The following RBFOX1 variants were observed in gnomAD, a reference collection of about 807,000 sequenced individuals.
RBFOX1 encodes the protein RNA binding fox-1 homolog 1.
Under a neutral mutation model 57.7 loss-of-function variants are expected in RBFOX1, and 8 were observed. The ratio of observed to expected loss-of-function variants is 0.14; its 90% confidence interval spans 0.08 to 0.25. The LOEUF is 0.25. RBFOX1 is among the 10% of genes least tolerant of loss of function. The pLI, the probability that RBFOX1 is intolerant of heterozygous loss-of-function variation, is 1.00. For missense variants in RBFOX1, 611 were observed against 548.5 expected (o/e 1.11, Z -1.14); for synonymous variants, 326 against 222.4 (o/e 1.47, Z -4.15).
intron 3 of RBFOX1, among the ~76,000 whole-genome samples, chr16:6,853,657 C>T (rs144712798): frequency 1.2e-4 from 19 of 152,274 alleles, no homozygotes; most frequent in African/African-American, 4.3e-4. Context: ...TGCTCTCAGC[C>T]TGTATGGAGG....
chr16:6,263,780 A>G (rs752407816), intron 1 of RBFOX1, among the ~76,000 whole-genome samples: 4 of 152,104 alleles, frequency 2.6e-5, no homozygotes, highest in Non-Finnish European at 4.4e-5. Context: ...AAATATCTTG[A>G]TGTCTTCACA....
chr16:6,415,237 T>G (rs2152978290), intron 2 of RBFOX1, among the ~76,000 whole-genome samples: 2 of 88,424 alleles, frequency 2.3e-5, no homozygotes, highest in African/African-American at 8.8e-5. Flanking sequence ...AAAGAAACTC[T>G]GTCACAAAAA....
intron 4 of RBFOX1, among the ~76,000 whole-genome samples, chr16:7,323,681 A>C (rs565152713): frequency 6.6e-6 from 1 of 152,172 alleles, no homozygotes; most frequent in Non-Finnish European, 1.5e-5. Flanking sequence ...ACTTCATAGG[A>C]ATGAAGAGGG....
chr16:6,149,301 G>T (rs75300220), intron 1 of RBFOX1, among the ~76,000 whole-genome samples: 1 of 152,218 alleles, frequency 6.6e-6, no homozygotes, highest in Non-Finnish European at 1.5e-5. Context: ...AATGTCTGTT[G>T]TTCCCTTTAC....
At chr16:6,573,778 C>G (rs933473597) in intron 2 of RBFOX1, 3 of 152,218 alleles carry the variant, frequency 2.0e-5, no homozygotes, top group Non-Finnish European at 4.4e-5. Context: ...CTGAATGTCG[C>G]TGGCTGCCGT....
chr16:5,255,251 A>G lies in RBFOX1; in HGVS notation c.219+15146A>G, dbSNP rs548395905. On this transcript the variant is annotated intron_variant, in intron 1 of 2. Transcript: ENST00000585867. ...TGACACACCCTAGGAAAATCACTCA[A>G]TTCTTTGGAGGACCCCGGATAAATG... is the stretch of plus-strand genomic sequence containing the variant. Among the ~76,000 whole-genome samples the G allele has an allele frequency of 9.9e-5, 15 of 151,864 alleles. No homozygotes were observed. In the East Asian group the frequency reaches 1.2e-3, roughly 12 times the overall value.
intron 3 of RBFOX1, among the ~76,000 whole-genome samples, chr16:5,662,864 C>G (rs1036811542): frequency 6.6e-6 from 1 of 152,162 alleles, no homozygotes; most frequent in Admixed American, 6.5e-5. Context: ...AATAGTAACA[C>G]CTATGCCACT....
intron 4 of RBFOX1, among the ~76,000 whole-genome samples, chr16:7,504,361 G>A (rs924608583): frequency 6.6e-6 from 1 of 151,860 alleles, no homozygotes; most frequent in African/African-American, 2.4e-5. Flanking sequence ...CATCATTAAC[G>A]TGATTAATCT....
intron 4 of RBFOX1, among the ~76,000 whole-genome samples, chr16:7,156,331 A>G (rs116593242): frequency 0.025 from 3,853 of 151,272 alleles, 165 homozygotes; most frequent in African/African-American, 0.086. Flanking sequence ...CTTGCAGCAT[A>G]TGTATATACA....
intron 3 of RBFOX1, chr16:6,773,930 T>C (rs2078891804): frequency 1.0e-6 from 1 of 984,920 alleles, no homozygotes; most frequent in Non-Finnish European, 1.2e-6. Flanking sequence ...GGGTGTGGAG[T>C]GTGTTTGTGT....
At chr16:6,933,022 A>G (rs1470088311) in intron 3 of RBFOX1, among the ~76,000 whole-genome samples, 1 of 152,132 alleles carries the variant, frequency 6.6e-6, no homozygotes, top group Admixed American at 6.5e-5. Context: ...GGTTTATTTC[A>G]CTTAGCATAA....
intron 4 of RBFOX1, among the ~76,000 whole-genome samples, chr16:7,209,386 A>C (rs770172839): frequency 5.9e-5 from 9 of 152,180 alleles, no homozygotes; most frequent in Non-Finnish European, 8.8e-5. Context: ...GACACCAGTT[A>C]GATTAGATTA....
At chr16:6,636,143 C>G (rs2098430289) in intron 2 of RBFOX1, among the ~76,000 whole-genome samples, 1 of 152,116 alleles carries the variant, frequency 6.6e-6, no homozygotes, top group Non-Finnish European at 1.5e-5. Context: ...AGCAGTCAGA[C>G]AGTTTTGGAT....
At chr16:7,093,365 G>C (rs187142559) in intron 4 of RBFOX1, among the ~76,000 whole-genome samples, 7 of 152,132 alleles carry the variant, frequency 4.6e-5, no homozygotes, top group Non-Finnish European at 7.3e-5. Context: ...AATGTTCTCT[G>C]TTGTCTCGAA....
At chr16:7,350,733 C>G (rs1335798068) in intron 4 of RBFOX1, among the ~76,000 whole-genome samples, 1 of 152,002 alleles carries the variant, frequency 6.6e-6, no homozygotes, top group Non-Finnish European at 1.5e-5. Flanking sequence ...AGAATTCTGC[C>G]CTAAAAAGAG....
intron 3 of RBFOX1, among the ~76,000 whole-genome samples, chr16:6,789,821 T>C (rs2082599345): frequency 6.6e-6 from 1 of 152,108 alleles, no homozygotes; most frequent in Admixed American, 6.5e-5. Flanking sequence ...TTTTCTGTCT[T>C]TGTGCTTTCT....
chr16:5,998,374 G>A (rs1478974644), intron 4 of RBFOX1, among the ~76,000 whole-genome samples: 2 of 152,176 alleles, frequency 1.3e-5, no homozygotes, highest in African/African-American at 4.8e-5. Flanking sequence ...TATAACAAAA[G>A]AAATAGAGTG....
rs1328558959 is a variant in RBFOX1 at position 5,799,494 on chromosome 16, C to A, written c.319-67809C>A. On this transcript the variant is annotated intron_variant, in intron 3 of 19. Transcript: ENST00000641259. ...CAACTATATAATGATATGGAAGCAA[C>A]ATACATTCAGTAGAAACTGTACTTT... 2.0e-5 allele frequency among the ~76,000 whole-genome samples: 3 copies of A among 152,334 alleles called. No homozygotes were observed. In the East Asian group the frequency reaches 5.8e-4, roughly 29 times the overall value.
chr16:5,858,275 C>T (rs1429503435), intron 3 of RBFOX1, among the ~76,000 whole-genome samples: 1 of 152,164 alleles, frequency 6.6e-6, no homozygotes, highest in Non-Finnish European at 1.5e-5. Flanking sequence ...ACTTCTCACA[C>T]CAACCCAGGC....
Sources: gnomAD v4.1 joint callset for allele counts (sites outside exome capture counted in the v4.1 genomes callset) on GRCh38, gnomAD v4.1.1 for gene constraint, MANE v1.5 for transcripts, NCBI Gene and HGNC (gene_info 2026-07-23, HGNC 2026-07-21) for gene names.